Variants in TIAM2 observed in about 807,000 individuals in gnomAD.
TIAM2 encodes the protein rho guanine nucleotide exchange factor TIAM2.
A neutral mutation model predicts 152.9 loss-of-function variants in TIAM2; 80 were observed. The ratio of observed to expected loss-of-function variants is 0.52; its 90% CI spans 0.44 to 0.63. The LOEUF (loss-of-function observed/expected upper bound fraction) is 0.63. Among genes scored for constraint, TIAM2 ranks in the 30% least tolerant of loss-of-function variants. The probability of loss-of-function intolerance (pLI) is 0.00; values close to 1 mark genes in which losing one functional copy is unlikely to be tolerated. For missense variants in TIAM2, 1,965 were observed against 2,120.1 expected, an observed-to-expected ratio of 0.93 and a Z score of 1.44; for synonymous variants, 804 against 838.0, an observed-to-expected ratio of 0.96 and a Z score of 0.70.
At chr6:155,005,424 C>T (rs1778382830) in intron 1 of TIAM2, 1 of 153,686 alleles carries the variant, frequency 6.5e-6, no homozygotes, top group Non-Finnish European at 1.4e-5. Flanking sequence ...ACTGCAACCT[C>T]CACCTCCTAG....
intron 1 of TIAM2, among the ~76,000 whole-genome samples, chr6:155,029,587 TATAG>T (rs1776775571): frequency 1.3e-5 from 1 of 78,206 alleles, no homozygotes; most frequent in African/African-American, 5.6e-5. Context: ...TATATAACTA[TATAG>T]TATATATAGT....
At chr6:155,067,003 C>T (rs567707332) in intron 1 of TIAM2, among the ~76,000 whole-genome samples, 3 of 152,140 alleles carry the variant, frequency 2.0e-5, no homozygotes, top group Admixed American at 6.5e-5. Context: ...GTGATCTGCC[C>T]GCTTCGGTCT....
Position 155,182,308 on chromosome 6 carries a change from G to A in TIAM2, c.2790G>A (p.Ala930=), listed in dbSNP as rs375541055. The A allele has an allele frequency of 9.2e-5, 148 of 1,613,900 alleles. No individual in the cohort carries two copies. Among genetic ancestry groups the A allele is most frequent in the East Asian group, 1.3e-4 (6 of 44,896 alleles). The change falls in exon 13 of 27, where the codon GCG becomes GCA. Residue 930 remains alanine (A), a synonymous_variant. Coordinates refer to ENST00000682666, the MANE Select transcript of TIAM2 (RefSeq NM_012454.4). ...GCGACGTTCTTCCCGATGGCCTGGCGTATGGGGAAGGTCCGTGTGGCACAC... is the reference window on the plus strand; with the variant it reads ...GCGACGTTCTTCCCGATGGCCTGGCATATGGGGAAGGTCCGTGTGGCACAC... ...FISDVLPDGL[A]YGEGLRKGNE...
intron 9 of TIAM2, among the ~76,000 whole-genome samples, chr6:155,169,362 T>C (rs1341585016): frequency 6.6e-6 from 1 of 152,220 alleles, no homozygotes; most frequent in African/African-American, 2.4e-5. Flanking sequence ...AATAGATTTA[T>C]AATTAAAATG....
intron 2 of TIAM2, among the ~76,000 whole-genome samples, chr6:155,109,174 T>C (rs942966864): frequency 1.3e-5 from 2 of 152,020 alleles, no homozygotes; most frequent in Admixed American, 6.6e-5. Flanking sequence ...TTGGTAGAGA[T>C]GGGGTTTCAC....
At chr6:155,155,613 T>C (rs9480074) in intron 7 of TIAM2, among the ~76,000 whole-genome samples, 72,032 of 152,036 alleles carry the variant, frequency 0.47, 17,606 homozygotes, top group Middle Eastern at 0.56. Flanking sequence ...TAGCTGGGAT[T>C]ACAGGCGTAC....
intron 7 of TIAM2, among the ~76,000 whole-genome samples, chr6:155,151,161 C>T (rs1484873475): frequency 1.3e-5 from 2 of 152,180 alleles, no homozygotes; most frequent in Non-Finnish European, 2.9e-5. Flanking sequence ...CTCCGGGTCC[C>T]TTTCTGAGTG....
In TIAM2 at chr6:155,256,494, G is replaced by A. The variant is rs373263173; in HGVS notation, c.4479G>A (p.Arg1493=). 6.2e-7 allele frequency: 1 copy of A among 1,614,038 alleles called. No individual in the cohort carries two copies. The highest frequency in any genetic ancestry group is 8.5e-7 in the Non-Finnish European group (1 of 1,180,052). The change falls in exon 27 of 27, where the codon AGG becomes AGA. Residue 1493 remains arginine (R), a synonymous_variant. Transcript: ENST00000682666. The part of the protein sequence containing the change: ...VPVSAKLASS[R]SLKVLKNSSS... The stretch of plus-strand genomic sequence containing the variant: ...TTTTTCTCACTGTAGCTTCATCCAG[G>A]TCTTTAAAAGTCCTGAAGAATTCCT...
At chr6:155,164,141 TTTTTC>T (rs1400307475) in intron 7 of TIAM2, among the ~76,000 whole-genome samples, 4 of 141,072 alleles carry the variant, frequency 2.8e-5, no homozygotes, top group Admixed American at 7.4e-5. Context: ...GTGTTTTTTT[TTTTTC>T]TTTTTTTTAG....
intron 1 of TIAM2, among the ~76,000 whole-genome samples, chr6:155,048,729 T>C (rs937613899): frequency 5.3e-5 from 8 of 151,890 alleles, no homozygotes; most frequent in African/African-American, 1.9e-4. Flanking sequence ...GTGTGGTCAA[T>C]GGTGCAACAA....
At chr6:155,102,282 A>C (rs1480140226) in intron 2 of TIAM2, among the ~76,000 whole-genome samples, 2 of 152,216 alleles carry the variant, frequency 1.3e-5, no homozygotes, top group Non-Finnish European at 2.9e-5. Flanking sequence ...GAATCACTGC[A>C]TCTGGCCTAG....
intron 1 of TIAM2, among the ~76,000 whole-genome samples, chr6:155,021,108 C>G (rs920304971): frequency 1.3e-5 from 2 of 152,108 alleles, no homozygotes; most frequent in East Asian, 3.8e-4. Flanking sequence ...TGTATGTCAT[C>G]TTTTGTTTGT....
At chr6:155,179,176 G>T in intron 11 of TIAM2, 33 bp downstream of exon 11, 2 of 1,568,610 alleles carry the variant, frequency 1.3e-6, no homozygotes, top group South Asian at 2.3e-5. Flanking sequence ...AAGGGAAACT[G>T]AACCACATCT....
intron 1 of TIAM2, among the ~76,000 whole-genome samples, chr6:155,002,604 A>G (rs577720082): frequency 6.6e-6 from 1 of 152,038 alleles, no homozygotes; most frequent in Non-Finnish European, 1.5e-5. Context: ...GTCTATATCA[A>G]TTGTTGCATT....
chr6:155,186,784 G>A lies in TIAM2; in HGVS notation c.3064+3284G>A, dbSNP rs1340750308. ...TTTAACTAAAAAAGTTAAAATTTACGGAAATCAAAAATTTAAATGACTTTG... is the reference window on the plus strand; with the variant it reads ...TTTAACTAAAAAAGTTAAAATTTACAGAAATCAAAAATTTAAATGACTTTG... On this transcript the variant is annotated intron_variant, in intron 14 of 26. Transcript: ENST00000682666. This position sits in a 1 kb window ranked among gnomAD's most constrained non-coding sequence, Gnocchi z 4.5. 6.6e-6 allele frequency among the ~76,000 whole-genome samples: 1 copy of A among 152,056 alleles called. No homozygotes were observed. Among genetic ancestry groups the A allele is most frequent in the Non-Finnish European group, 1.5e-5 (1 of 68,012 alleles).
intron 15 of TIAM2, 38 bp downstream of exon 15, chr6:155,211,345 C>A (rs766153906): frequency 6.3e-7 from 1 of 1,576,976 alleles, no homozygotes. Flanking sequence ...AAGAACCAGG[C>A]AGGCGAGTGT....
chr6:155,005,324 T>TTGTTTC (rs972758237), intron 1 of TIAM2: 1 of 176,300 alleles, frequency 5.7e-6, no homozygotes, highest in Non-Finnish European at 1.2e-5. Context: ...AGAGAGTTTT[T>TTGTTTC]TGTTTTTGTT....
At chr6:155,248,724 A>AT (rs1783476747) in intron 20 of TIAM2, among the ~76,000 whole-genome samples, 1 of 152,170 alleles carries the variant, frequency 6.6e-6, no homozygotes, top group South Asian at 2.1e-4. Context: ...CTGAGACACA[A>AT]TTTATCAAAA....
At chr6:155,066,158 T>C in intron 1 of TIAM2, among the ~76,000 whole-genome samples, 1 of 151,146 alleles carries the variant, frequency 6.6e-6, no homozygotes, top group African/African-American at 2.4e-5. Flanking sequence ...TTCTCAATTT[T>C]CCTGTTCCCA....
Sources: gnomAD v4.1 joint callset for allele counts (sites outside exome capture counted in the v4.1 genomes callset) on GRCh38, gnomAD v4.1.1 for gene constraint, Gnocchi (gnomAD v3.1) non-coding constraint, MANE v1.5 for transcripts, NCBI Gene and HGNC (gene_info 2026-07-23, HGNC 2026-07-21) for gene names.